SPRED2: variants seen among roughly 807,000 people sequenced by gnomAD.
SPRED2 encodes the protein sprouty related EVH1 domain containing 2, also known as sprouty-related, EVH1 domain-containing protein 2.
A neutral mutation model predicts 43.0 loss-of-function variants in SPRED2; 47 were observed. That is an observed-to-expected ratio of 1.09 (90% CI 0.87 to 1.40). The LOEUF (loss-of-function observed/expected upper bound fraction) is 1.40. Among genes scored for constraint, SPRED2 ranks in the 40% most tolerant of loss-of-function variants. The pLI is 0.00. For synonymous variants in SPRED2, 225 were observed against 225.7 expected (o/e 1.00, Z 0.03); for missense variants, 561 against 586.4 (o/e 0.96, Z 0.45).
At chr2:65,386,293 AAAAAAAAAAAAG>A (rs1484231868) in intron 1 of SPRED2, among the ~76,000 whole-genome samples, 1 of 147,088 alleles carries the variant, frequency 6.8e-6, no homozygotes, top group Non-Finnish European at 1.5e-5. Flanking sequence ...CTCAAAAAAA[AAAAAAAAAAAAG>A]AAAGCACTGG....
chr2:65,327,471 A>G (rs1359083252), intron 4 of SPRED2, among the ~76,000 whole-genome samples: 2 of 152,206 alleles, frequency 1.3e-5, no homozygotes, highest in African/African-American at 4.8e-5. Flanking sequence ...TAATTAATTT[A>G]GCCACTATAG....
rs1196291528 is a variant in SPRED2, at chr2:65,311,450, G to A, written c.*2051C>T. 2 of 985,876 alleles carry A rather than the reference G, an allele frequency of 2.0e-6. No homozygotes were observed. The highest frequency in any genetic ancestry group is 1.1e-4 in the East Asian group (1 of 8,824). The allele number at this position is 985,876 out of a possible 1,614,324, so 61.1% of individuals were successfully genotyped here. A position where few individuals can be genotyped will look rare whatever the true frequency, so the allele number is the denominator to read the frequency against. ...GACAAACAAAAAACAGCTGGGATAT[G>A]TGCGTTCTTATTGAAATAAATAGGG... On this transcript the variant is annotated 3_prime_UTR_variant, in exon 6 of 6. Coordinates refer to ENST00000356388, the MANE Select transcript of SPRED2 (RefSeq NM_181784.3).
At position 65,322,294 on chromosome 2, in the gene SPRED2, A is replaced by ATTTTTTTTTT. The variant is rs1178902612; in HGVS notation, c.439-5421_439-5412dup. Among the ~76,000 whole-genome samples, 9 of 64,934 alleles carry ATTTTTTTTTT rather than the reference A, an allele frequency of 1.4e-4. 2 individuals carry two copies. Among genetic ancestry groups the ATTTTTTTTTT allele is most frequent in the African/African-American group, 6.4e-4 (9 of 14,032 alleles). The allele number at this position is 64,934 out of a possible 152,430, so 42.6% of individuals were successfully genotyped here. ...TCTATATATATATATATATATATAT[A>ATTTTTTTTTT]TTTTTTTTTTTTTTTTTGAGACGGA... is the stretch of plus-strand genomic sequence containing the variant. On this transcript the variant is annotated intron_variant, in intron 4 of 5. Coordinates refer to ENST00000356388, the MANE Select transcript of SPRED2 (RefSeq NM_181784.3).
At chr2:65,316,641 T>C in intron 5 of SPRED2, 93 bp downstream of exon 5, 1 of 1,452,108 alleles carries the variant, frequency 6.9e-7, no homozygotes, top group Non-Finnish European at 9.4e-7. Context: ...AGGCCTGTGG[T>C]CATGGAATTT....
chr2:65,336,725 T>C (rs1673977684), intron 2 of SPRED2, among the ~76,000 whole-genome samples: 1 of 152,242 alleles, frequency 6.6e-6, no homozygotes, highest in Admixed American at 6.5e-5. Context: ...AGACTCCTAG[T>C]TTCTCCATAT....
chr2:65,344,627 GA>G (rs779154866), intron 2 of SPRED2, 91 bp downstream of exon 2: 4 of 1,511,658 alleles, frequency 2.6e-6, no homozygotes, highest in South Asian at 1.2e-5. Flanking sequence ...GAGAAAGAAA[GA>G]AAAAAATACG....
At position 65,314,163 on chromosome 2, in the gene SPRED2, G is replaced by A. The variant is rs150461103; in HGVS notation, c.595C>T (p.Pro199Ser). Residue 199 changes from proline to serine, a missense_variant, in exon 6 of 6, where the codon CCA becomes TCA. Pro to Ser is a moderately conservative substitution (Grantham distance 74). Transcript: ENST00000356388. ...TDHYHLDQPM[P>S]RPYRQVSFPD... is the part of the protein sequence containing the mutation. ...AAGCTCACCTGGCGGTAGGGCCTTG[G>A]CATCGGCTGTCCCGTAGGAGAGGAG... The A allele has an allele frequency of 2.6e-5, 41 of 1,592,466 alleles. No homozygotes were observed. In the African/African-American group the frequency reaches 4.2e-4, roughly 16 times the overall value.
intron 4 of SPRED2, among the ~76,000 whole-genome samples, chr2:65,323,439 AG>A (rs1673495938): frequency 6.6e-6 from 1 of 152,102 alleles, no homozygotes; most frequent in Non-Finnish European, 1.5e-5. Flanking sequence ...CCCAGAAAGG[AG>A]AGAGTAAGAA....
At chr2:65,348,521 G>C (rs963291170) in intron 1 of SPRED2, among the ~76,000 whole-genome samples, 2 of 152,146 alleles carry the variant, frequency 1.3e-5, no homozygotes, top group African/African-American at 4.8e-5. Context: ...ATCTATAGCA[G>C]GCTGGAAGCG....
At chr2:65,390,191 A>G (rs1005761151) in intron 1 of SPRED2, among the ~76,000 whole-genome samples, 2 of 152,238 alleles carry the variant, frequency 1.3e-5, no homozygotes, top group African/African-American at 4.8e-5. Context: ...CTGGCAAAAT[A>G]AAAGAAAAGG....
intron 5 of SPRED2, among the ~76,000 whole-genome samples, chr2:65,314,625 A>G (rs1673184796): frequency 1.3e-5 from 2 of 152,160 alleles, no homozygotes; most frequent in Non-Finnish European, 1.5e-5. Flanking sequence ...GGCCTGCATT[A>G]GTTTTGCCTA....
rs752264739 is a variant in SPRED2, at chr2:65,313,847, C to T, written c.911G>A (p.Gly304Glu). 1.2e-6 allele frequency: 2 copies of T among 1,611,836 alleles called. No individual in the cohort carries two copies. Among genetic ancestry groups the T allele is most frequent in the Non-Finnish European group, 1.7e-6 (2 of 1,179,950 alleles). ...RGKSRRRKED[G>E]ERSRCVYCRD... ...GCAGTACACGCACCGCGAGCGCTCT[C>T]CGTCCTCCTTCCGCCGCCGCGACTT... Residue 304 changes from glycine (G) to glutamate (E), a missense_variant, in exon 6 of 6, where the codon GGA becomes GAA. Gly to Glu is a moderately conservative substitution (Grantham distance 98). Coordinates refer to ENST00000356388, the MANE Select transcript of SPRED2 (RefSeq NM_181784.3).
At chr2:65,383,472 G>A (rs1179629760) in intron 1 of SPRED2, among the ~76,000 whole-genome samples, 1 of 152,112 alleles carries the variant, frequency 6.6e-6, no homozygotes, top group Non-Finnish European at 1.5e-5. Flanking sequence ...CTCAGATAGG[G>A]CCCTCTTCAG....
chr2:65,400,404 A>C (rs1463742100), intron 1 of SPRED2, among the ~76,000 whole-genome samples: 1 of 152,214 alleles, frequency 6.6e-6, no homozygotes, highest in African/African-American at 2.4e-5. Flanking sequence ...GAAAAAAACA[A>C]GTTGTCAGAG....
At chr2:65,357,059 G>A (rs1196170976) in intron 1 of SPRED2, among the ~76,000 whole-genome samples, 1 of 152,182 alleles carries the variant, frequency 6.6e-6, no homozygotes, top group African/African-American at 2.4e-5. Context: ...ACCTATAGAG[G>A]AGGGAGGAAA....
intron 1 of SPRED2, among the ~76,000 whole-genome samples, chr2:65,414,764 C>G (rs1219132464): frequency 6.6e-6 from 1 of 152,090 alleles, no homozygotes; most frequent in Non-Finnish European, 1.5e-5. Context: ...CAAAGTTGAT[C>G]TTCTTTAAAT....
Position 65,313,593 on chromosome 2 carries a change from G to T in SPRED2, c.1165C>A (p.Pro389Thr). 1.9e-6 allele frequency: 3 copies of T among 1,614,184 alleles called. No homozygotes were observed. Among genetic ancestry groups the T allele is most frequent in the Non-Finnish European group, 2.5e-6 (3 of 1,180,026 alleles). ...MALIALSFLAPCMCCYLPLRA... is the reference protein window; with the variant it reads ...MALIALSFLATCMCCYLPLRA... ...AGGGGCAGGTAACAGCACATACAGG[G>T]GGCCAGGAAAGACAAGGCAATAAGA... The change falls in exon 6 of 6, where the codon CCC becomes ACC. Residue 389 changes from proline (P) to threonine (T), a missense_variant. Pro to Thr is a conservative substitution (Grantham distance 38). Around this residue, in one of 6 missense-constraint regions of SPRED2, gnomAD observed 65 missense variants for 60.2 expected, o/e 1.08. Coordinates refer to ENST00000356388, the MANE Select transcript of SPRED2 (RefSeq NM_181784.3).
At position 65,313,336 on chromosome 2, in the gene SPRED2, C is replaced by A; in HGVS notation, c.*165G>T. Reference sequence around the variant, plus strand: ...CGGCAGGGGGAGTGGAGAGTCTACCCGGCAGCGTCCCTGGCTGGAATGGTG... The same window carrying A: ...CGGCAGGGGGAGTGGAGAGTCTACCAGGCAGCGTCCCTGGCTGGAATGGTG... On this transcript the variant is annotated 3_prime_UTR_variant, in exon 6 of 6. Transcript: ENST00000356388. The A allele has an allele frequency of 6.8e-7, 1 of 1,463,918 alleles. No homozygotes were observed. Among genetic ancestry groups the A allele is most frequent in the Non-Finnish European group, 9.0e-7 (1 of 1,116,284 alleles). 90.7% of individuals were successfully genotyped at this position (1,463,918 alleles called of 1,614,324 possible).
At chr2:65,325,703 G>T (rs1673590150) in intron 4 of SPRED2, among the ~76,000 whole-genome samples, 1 of 152,220 alleles carries the variant, frequency 6.6e-6, no homozygotes, top group Non-Finnish European at 1.5e-5. Flanking sequence ...CACTTTGGGA[G>T]GCCAAGGGGT....
Sources: allele counts gnomAD v4.1 joint callset (sites outside exome capture counted in the v4.1 genomes callset), GRCh38; gene constraint gnomAD v4.1.1; regional missense constraint gnomAD v4.1.1; transcripts MANE v1.5; gene names NCBI Gene and HGNC (gene_info 2026-07-23, HGNC 2026-07-21).